The following MYRIP variants were observed in gnomAD, a reference collection of about 807,000 sequenced individuals.
The protein encoded by MYRIP is myosin VIIA and Rab interacting protein.
A neutral mutation model predicts 98.0 loss-of-function variants in MYRIP; 49 were observed. The observed-to-expected ratio is 0.50, with a 90% confidence interval of 0.40 to 0.63. The LOEUF (loss-of-function observed/expected upper bound fraction) is 0.63, where lower values mean the gene tolerates loss of function less well. Among genes scored for constraint, MYRIP ranks in the 30% least tolerant of loss-of-function variants. The pLI, the probability that MYRIP is intolerant of heterozygous loss-of-function variation, is 0.00. For synonymous variants in MYRIP, 404 were observed against 409.5 expected (o/e 0.99, Z 0.16); for missense variants, 1,004 against 1,058.2 (o/e 0.95, Z 0.71).
At chr3:40,100,273 A>G (rs1948920086) in intron 3 of MYRIP, 1 of 985,192 alleles carries the variant, frequency 1.0e-6, no homozygotes, top group Non-Finnish European at 1.2e-6. Flanking sequence ...ATTAAGCAAC[A>G]TTGACTTGTC....
At chr3:39,942,145 G>A (rs1007333747) in intron 2 of MYRIP, among the ~76,000 whole-genome samples, 1 of 152,114 alleles carries the variant, frequency 6.6e-6, no homozygotes, top group African/African-American at 2.4e-5. Context: ...AACAATGTTA[G>A]CAACTCTGTG....
At position 40,225,552 on chromosome 3, in the gene MYRIP, G is replaced by A. The variant is rs188876095; in HGVS notation, c.1906-8307G>A. Among the ~76,000 whole-genome samples, 17 of 152,314 alleles carry A rather than the reference G, an allele frequency of 1.1e-4. No individual in the cohort carries two copies. The East Asian group carries it at 1.5e-3, about 14-fold the overall frequency. ...GAAGAAGTGCTGGTGTGACAAGTGC[G>A]GAGGAGCATGGGTTTGGGAAACCAC... On this transcript the variant is annotated intron_variant, in intron 11 of 16. Coordinates refer to ENST00000302541, the MANE Select transcript of MYRIP (RefSeq NM_015460.4).
intron 1 of MYRIP, among the ~76,000 whole-genome samples, chr3:39,838,550 G>A (rs1575290692): frequency 1.3e-5 from 2 of 152,014 alleles, no homozygotes; most frequent in East Asian, 3.8e-4. Flanking sequence ...TGCATCCCAG[G>A]GATGAAGCTG....
chr3:40,001,258 G>A (rs1032152580), intron 2 of MYRIP, among the ~76,000 whole-genome samples: 3 of 152,198 alleles, frequency 2.0e-5, no homozygotes, highest in Admixed American at 1.3e-4. Flanking sequence ...AATGGTGAAA[G>A]TGGTTGCCTG....
chr3:40,189,947 C>T lies in MYRIP; in HGVS notation c.1149C>T (p.Ala383=). ...KSGTFQALEV[A]SSVASAYDEM... ...GGACGTTTCAGGCCCTGGAGGTGGC[C>T]TCCAGTGTGGCATCTGCCTACGATG... Residue 383 remains alanine, a synonymous_variant, in exon 10 of 17, where the codon GCC becomes GCT. Coordinates refer to ENST00000302541, the MANE Select transcript of MYRIP (RefSeq NM_015460.4). The T allele has an allele frequency of 1.9e-6, 3 of 1,614,172 alleles. No homozygotes were observed. In the East Asian group the frequency reaches 6.7e-5, roughly 36 times the overall value.
intron 2 of MYRIP, among the ~76,000 whole-genome samples, chr3:39,944,804 C>T (rs576502246): frequency 3.3e-5 from 5 of 152,056 alleles, no homozygotes; most frequent in Middle Eastern, 3.4e-3. Context: ...TATATACAAT[C>T]GCAAGAAGTA....
chr3:40,125,496 C>T (rs1051539265), intron 3 of MYRIP, among the ~76,000 whole-genome samples: 1 of 152,200 alleles, frequency 6.6e-6, no homozygotes, highest in Non-Finnish European at 1.5e-5. Flanking sequence ...GGGTGGGTCT[C>T]CCTTTCCCAG....
intron 11 of MYRIP, among the ~76,000 whole-genome samples, chr3:40,223,923 T>G (rs904419230): frequency 6.6e-6 from 1 of 152,120 alleles, no homozygotes; most frequent in East Asian, 1.9e-4. Context: ...TGGATAGTCA[T>G]GAACTCTCTG....
intron 2 of MYRIP, among the ~76,000 whole-genome samples, chr3:40,002,614 C>T (rs1946544907): frequency 6.6e-6 from 1 of 151,968 alleles, no homozygotes; most frequent in Non-Finnish European, 1.5e-5. Flanking sequence ...CACAGCATAG[C>T]CCTCCCTTTC....
intron 2 of MYRIP, among the ~76,000 whole-genome samples, chr3:40,001,600 A>G (rs1418818816): frequency 2.0e-5 from 3 of 152,222 alleles, no homozygotes; most frequent in Non-Finnish European, 4.4e-5. Flanking sequence ...TCAGTCAACA[A>G]TCACTTCAAA....
At chr3:40,188,176 C>T (rs1951088255) in intron 9 of MYRIP, among the ~76,000 whole-genome samples, 2 of 152,188 alleles carry the variant, frequency 1.3e-5, no homozygotes, top group African/African-American at 4.8e-5. Context: ...TCTGAATTCC[C>T]CTAAGGCTGT....
Position 40,259,907 on chromosome 3 carries a change from A to G in MYRIP, c.*1741A>G, listed in dbSNP as rs1575692661. 2 of 152,812 alleles carry G rather than the reference A, an allele frequency of 1.3e-5. No individual in the cohort carries two copies. Among genetic ancestry groups the G allele is most frequent in the East Asian group, 3.9e-4 (2 of 5,194 alleles). 9.5% of individuals were successfully genotyped at this position (152,812 alleles called of 1,614,324 possible). A position where few individuals can be genotyped will look rare whatever the true frequency, so the allele number is the denominator to read the frequency against. On this transcript the variant is annotated 3_prime_UTR_variant, in exon 17 of 17. Coordinates refer to ENST00000302541, the MANE Select transcript of MYRIP (RefSeq NM_015460.4). The stretch of plus-strand genomic sequence containing the variant: ...TGAAAAGCAACTATTGTTGTGTTAC[A>G]GTGTTAAAAATATTCAGTTTTCTTT...
At position 39,823,880 on chromosome 3, in the gene MYRIP, T is replaced by C. The variant is rs757483021; in HGVS notation, c.-31+13964T>C. On this transcript the variant is annotated intron_variant, in intron 1 of 16. Transcript: ENST00000302541. ...TTTGATATAATCCCTTTGCTTATTTTTGCTTTTGTTTCCCATGCTTTTGAA... is the reference window on the plus strand; with the variant it reads ...TTTGATATAATCCCTTTGCTTATTTCTGCTTTTGTTTCCCATGCTTTTGAA... 5.4e-4 allele frequency among the ~76,000 whole-genome samples: 82 copies of C among 152,194 alleles called. 1 individual carries two copies. The highest frequency in any genetic ancestry group is 1.5e-4 in the Non-Finnish European group (10 of 68,030).
At chr3:39,910,028 T>C (rs772590310) in intron 2 of MYRIP, among the ~76,000 whole-genome samples, 2 of 152,004 alleles carry the variant, frequency 1.3e-5, no homozygotes, top group Non-Finnish European at 2.9e-5. Flanking sequence ...GTAACTGGGA[T>C]TACAGGTGTG....
chr3:40,223,420 T>C (rs1321967312), intron 11 of MYRIP, among the ~76,000 whole-genome samples: 2 of 152,188 alleles, frequency 1.3e-5, no homozygotes, highest in South Asian at 2.1e-4. Context: ...CTAAAATATA[T>C]TAAATTTAAC....
chr3:39,956,604 T>C (rs1277336662), intron 2 of MYRIP, among the ~76,000 whole-genome samples: 2 of 151,644 alleles, frequency 1.3e-5, no homozygotes, highest in Non-Finnish European at 2.9e-5. Context: ...CACCCCAACA[T>C]CACAATTAAA....
intron 2 of MYRIP, among the ~76,000 whole-genome samples, chr3:40,028,164 C>A (rs759177985): frequency 3.3e-4 from 50 of 152,138 alleles, no homozygotes; most frequent in Non-Finnish European, 6.0e-4. Flanking sequence ...GAATGCTTTA[C>A]CCTCTAACAA....
chr3:39,905,684 T>C (rs1482629407), intron 2 of MYRIP, among the ~76,000 whole-genome samples: 1 of 152,180 alleles, frequency 6.6e-6, no homozygotes, highest in African/African-American at 2.4e-5. Context: ...TCCAAAAACA[T>C]ATTTGAGTCT....
chr3:39,839,835 A>G (rs1941740760), intron 1 of MYRIP, among the ~76,000 whole-genome samples: 1 of 152,174 alleles, frequency 6.6e-6, no homozygotes, highest in African/African-American at 2.4e-5. Flanking sequence ...CTGTGGTCTG[A>G]GAGACTATTA....
Sources: allele counts gnomAD v4.1 joint callset (sites outside exome capture counted in the v4.1 genomes callset), GRCh38; gene constraint gnomAD v4.1.1; transcripts MANE v1.5; gene names NCBI Gene and HGNC (gene_info 2026-07-23, HGNC 2026-07-21).